The following MS4A1 variants were observed in gnomAD, a reference collection of about 807,000 sequenced individuals.
The protein encoded by MS4A1 is B-lymphocyte antigen CD20.
MS4A1 carries 16 observed loss-of-function variants against 26.5 expected under a neutral mutation model. The ratio of observed to expected loss-of-function variants is 0.60; its 90% confidence interval spans 0.41 to 0.92. MS4A1 has a LOEUF of 0.92. Among genes scored for constraint, MS4A1 ranks in the 40% least tolerant of loss-of-function variants. The probability of loss-of-function intolerance (pLI) is 0.00; values close to 1 mark genes in which losing one functional copy is unlikely to be tolerated. For missense variants in MS4A1, 350 were observed against 353.0 expected, an observed-to-expected ratio of 0.99 and a Z score of 0.07; for synonymous variants, 128 against 117.6, an observed-to-expected ratio of 1.09 and a Z score of -0.57.
intron 7 of MS4A1, 22 bp from the exon 8 acceptor site, chr11:60,468,227 GT>G: frequency 3.2e-6 from 5 of 1,558,514 alleles, no homozygotes; most frequent in Non-Finnish European, 4.4e-6. Context: ...GTAAAGAATG[GT>G]TTGTTTAATT....
chr11:60,462,785 A>G (rs536863218), intron 3 of MS4A1, among the ~76,000 whole-genome samples: 3 of 152,276 alleles, frequency 2.0e-5, no homozygotes, highest in South Asian at 4.1e-4. Flanking sequence ...ATCCCAGTCC[A>G]TTGCCAGAAT....
intron 7 of MS4A1, 146 bp downstream of exon 7, chr11:60,467,206 G>A: frequency 6.1e-6 from 4 of 656,232 alleles, no homozygotes; most frequent in Non-Finnish European, 1.1e-5. Context: ...TTTCTAGAAA[G>A]CAAATAATAT....
intron 6 of MS4A1, among the ~76,000 whole-genome samples, chr11:60,466,359 G>A (rs573720056): frequency 6.6e-6 from 1 of 152,140 alleles, no homozygotes; most frequent in South Asian, 2.1e-4. Context: ...TATCTAATAG[G>A]GTTGTTCTGA....
At position 60,466,963 on chromosome 11, in the gene MS4A1, T is replaced by C. The variant is rs1177237243; in HGVS notation, c.578T>C (p.Ile193Thr). The change falls in exon 7 of 8, where the codon ATT becomes ACT. Residue 193 changes from isoleucine to threonine, a missense_variant. Coordinates refer to ENST00000345732, the MANE Select transcript of MS4A1 (RefSeq NM_152866.3). ...CATTCTTCTGTTGTTTTTCAGGGCA[T>C]TTTGTCAGTGATGCTGATCTTTGCC... ...CYSIQSLFLG[I>T]LSVMLIFAFF... 6.2e-7 allele frequency: 1 copy of C among 1,614,138 alleles called. No individual in the cohort carries two copies. Among genetic ancestry groups the C allele is most frequent in the South Asian group, 1.1e-5 (1 of 91,086 alleles).
chr11:60,456,581 A>G (rs1394989881), intron 1 of MS4A1, among the ~76,000 whole-genome samples: 1 of 152,198 alleles, frequency 6.6e-6, no homozygotes, highest in African/African-American at 2.4e-5. Flanking sequence ...ATCACATGGG[A>G]AACCAAGAGT....
intron 5 of MS4A1, among the ~76,000 whole-genome samples, chr11:60,464,824 G>C (rs1312188303): frequency 1.3e-5 from 2 of 152,208 alleles, no homozygotes; most frequent in Non-Finnish European, 2.9e-5. Flanking sequence ...AGGCAGTAGA[G>C]TGTGTGATGG....
At position 60,468,319 on chromosome 11, in the gene MS4A1, C is replaced by T; in HGVS notation, c.745C>T (p.Leu249=). 1 of 1,613,804 alleles carries T rather than the reference C, an allele frequency of 6.2e-7. No homozygotes were observed. Among genetic ancestry groups the T allele is most frequent in the Non-Finnish European group, 8.5e-7 (1 of 1,179,848 alleles). Reference sequence around the variant, plus strand: ...TGAAATAAAAGAAGAAGTGGTTGGGCTAACTGAAACATCTTCCCAACCAAA... The same window carrying T: ...TGAAATAAAAGAAGAAGTGGTTGGGTTAACTGAAACATCTTCCCAACCAAA... ...TIEIKEEVVG[L]TETSSQPKNE... The change falls in exon 8 of 8, where the codon CTA becomes TTA. Residue 249 remains leucine (L), a synonymous_variant. Transcript: ENST00000345732.
intron 1 of MS4A1, among the ~76,000 whole-genome samples, chr11:60,457,595 G>A (rs1352591584): frequency 6.6e-6 from 1 of 152,202 alleles, no homozygotes; most frequent in African/African-American, 2.4e-5. Context: ...CTGACCAACA[G>A]CCAAGATGAA....
At chr11:60,467,903 A>G (rs73483131) in intron 7 of MS4A1, among the ~76,000 whole-genome samples, 78 of 152,344 alleles carry the variant, frequency 5.1e-4, no homozygotes, top group African/African-American at 1.8e-3. Context: ...GAAAAATAGT[A>G]TCAAAGAGAG....
At chr11:60,460,800 G>C (rs1174311183) in intron 1 of MS4A1, among the ~76,000 whole-genome samples, 1 of 149,986 alleles carries the variant, frequency 6.7e-6, no homozygotes, top group Non-Finnish European at 1.5e-5. Context: ...CTTCAGAAAT[G>C]AATAAATCAT....
Position 60,468,419 on chromosome 11 carries a change from C to G in MS4A1, c.845C>G (p.Pro282Arg). ...GAAACAGAGACGAACTTTCCAGAAC[C>G]TCCCCAAGATCAGGAATCCTCACCA... ...EEETETNFPEPPQDQESSPIE... is the reference protein window; with the variant it reads ...EEETETNFPERPQDQESSPIE... Residue 282 changes from proline to arginine, a missense_variant, in exon 8 of 8, where the codon CCT (proline) becomes CGT (arginine). Physicochemically the swap from Pro to Arg is moderately radical, Grantham distance 103. Coordinates refer to ENST00000345732, the MANE Select transcript of MS4A1 (RefSeq NM_152866.3). 2.5e-6 allele frequency: 4 copies of G among 1,614,156 alleles called. No individual in the cohort carries two copies. The highest frequency in any genetic ancestry group is 3.4e-6 in the Non-Finnish European group (4 of 1,180,004).
At chr11:60,457,341 A>C (rs963405605) in intron 1 of MS4A1, among the ~76,000 whole-genome samples, 1 of 152,048 alleles carries the variant, frequency 6.6e-6, no homozygotes, top group Admixed American at 6.5e-5. Context: ...GGGTTAGATG[A>C]AGGGTTTCTC....
At position 60,469,574 on chromosome 11, in the gene MS4A1, G is replaced by T. The variant is rs1276278238; in HGVS notation, c.*1106G>T. Reference sequence around the variant, plus strand: ...AAGCACTGAGAGACACAGAGAGCCAGATTCAGATTTTACCCATGGGGATAA... The same window carrying T: ...AAGCACTGAGAGACACAGAGAGCCATATTCAGATTTTACCCATGGGGATAA... On this transcript the variant is annotated 3_prime_UTR_variant, in exon 8 of 8. Transcript: ENST00000345732. 1 of 152,106 alleles carries T rather than the reference G, an allele frequency of 6.6e-6. No individual in the cohort carries two copies. The highest frequency in any genetic ancestry group is 1.5e-5 in the Non-Finnish European group (1 of 67,982). The allele number at this position is 152,106 out of a possible 1,614,324, so 9.4% of individuals were successfully genotyped here.
chr11:60,458,568 C>A (rs753949036), intron 1 of MS4A1, among the ~76,000 whole-genome samples: 1 of 152,154 alleles, frequency 6.6e-6, no homozygotes, highest in Non-Finnish European at 1.5e-5. Context: ...TATCATATTG[C>A]GGCTAATGTG....
rs200077365 is a variant in MS4A1, at chr11:60,468,473, T to C, written c.*5T>C. 2.6e-4 allele frequency: 426 copies of C among 1,612,012 alleles called. No homozygotes were observed. Among genetic ancestry groups the C allele is most frequent in the Non-Finnish European group, 3.3e-4 (388 of 1,178,348 alleles). On this transcript the variant is annotated 3_prime_UTR_variant, in exon 8 of 8. Coordinates refer to ENST00000345732, the MANE Select transcript of MS4A1 (RefSeq NM_152866.3). ...GAAAATGACAGCTCTCCTTAAGTGA[T>C]TTCTTCTGTTTTCTGTTTCCTTTTT...
intron 4 of MS4A1, 142 bp downstream of exon 4, chr11:60,463,263 AG>A (rs2086264122): frequency 8.1e-7 from 1 of 1,229,338 alleles, no homozygotes; most frequent in East Asian, 2.5e-5. Flanking sequence ...TTAAGAAGAC[AG>A]GTTGACCAAA....
At chr11:60,460,823 A>G (rs953622539) in intron 1 of MS4A1, among the ~76,000 whole-genome samples, 3 of 151,760 alleles carry the variant, frequency 2.0e-5, no homozygotes, top group Non-Finnish European at 4.4e-5. Flanking sequence ...AAACTGATAA[A>G]TAGCATTTAC....
intron 5 of MS4A1, 113 bp from the exon 6 acceptor site, chr11:60,465,808 A>AT: frequency 1.3e-6 from 1 of 793,458 alleles, no homozygotes; most frequent in East Asian, 2.4e-5. Flanking sequence ...ACTTCAGTAT[A>AT]TTTAGTTGTA....
At chr11:60,465,820 T>C (rs2086286161) in intron 5 of MS4A1, 101 bp from the exon 6 acceptor site, 1 of 868,400 alleles carries the variant, frequency 1.2e-6, no homozygotes, top group Admixed American at 1.8e-5. Flanking sequence ...TTAGTTGTAG[T>C]TGCTTTGTGA....
Sources: allele counts gnomAD v4.1 joint callset (sites outside exome capture counted in the v4.1 genomes callset), GRCh38; gene constraint gnomAD v4.1.1; transcripts MANE v1.5; gene names NCBI Gene and HGNC (gene_info 2026-07-23, HGNC 2026-07-21).